The following ARHGEF38 variants were observed in gnomAD, a reference collection of about 807,000 sequenced individuals.
ARHGEF38 encodes Rho guanine nucleotide exchange factor (GEF) 38.
A neutral mutation model predicts 79.9 loss-of-function variants in ARHGEF38; 79 were observed. The observed-to-expected ratio is 0.99, with a 90% CI of 0.82 to 1.19. The LOEUF (loss-of-function observed/expected upper bound fraction) is 1.19, where lower values mean the gene tolerates loss of function less well. ARHGEF38 is among the 50% of genes most tolerant of loss of function. The pLI, the probability that ARHGEF38 is intolerant of heterozygous loss-of-function variation, is 0.00. For synonymous variants in ARHGEF38, 366 were observed against 328.3 expected (o/e 1.11, Z -1.24); for missense variants, 962 against 907.2 (o/e 1.06, Z -0.78).
rs1209024614 is a variant in ARHGEF38, at chr4:105,679,601, G to GA, written c.*1671dup. ...CTATCAGTATCTGAGCTGATGGTTG[G>GA]AAAAAAATCAACAGCAGCATAAGAA... On this transcript the variant is annotated 3_prime_UTR_variant, in exon 14 of 14. Transcript: ENST00000420470. 2 of 887,800 alleles carry GA rather than the reference G, an allele frequency of 2.3e-6. No homozygotes were observed. Among genetic ancestry groups the GA allele is most frequent in the Non-Finnish European group, 3.8e-6 (2 of 521,974 alleles). The allele number at this position is 887,800 out of a possible 1,614,324, so 55.0% of individuals were successfully genotyped here.
At chr4:105,638,522 C>A (rs956941436) in intron 5 of ARHGEF38, among the ~76,000 whole-genome samples, 7 of 151,970 alleles carry the variant, frequency 4.6e-5, no homozygotes, top group African/African-American at 1.7e-4. Context: ...AAATTATTTT[C>A]TCTTTTCTTT....
chr4:105,665,390 G>A (rs1467208430), intron 10 of ARHGEF38, among the ~76,000 whole-genome samples: 3 of 151,816 alleles, frequency 2.0e-5, no homozygotes, highest in Non-Finnish European at 2.9e-5. Context: ...CCAGCTACTC[G>A]GGAGGCTGAG....
intron 1 of ARHGEF38, among the ~76,000 whole-genome samples, chr4:105,586,547 A>T (rs1041719996): frequency 6.6e-6 from 1 of 152,192 alleles, no homozygotes; most frequent in Non-Finnish European, 1.5e-5. Context: ...AACGTCTGTG[A>T]AGCAGGTTAA....
At chr4:105,641,138 T>C (rs755231793) in intron 5 of ARHGEF38, among the ~76,000 whole-genome samples, 3 of 152,154 alleles carry the variant, frequency 2.0e-5, no homozygotes, top group Non-Finnish European at 2.9e-5. Flanking sequence ...CTCATTTTTT[T>C]TTCTATTTTC....
chr4:105,630,808 T>C, intron 3 of ARHGEF38, 90 bp from the exon 4 acceptor site: 1 of 1,204,954 alleles, frequency 8.3e-7, no homozygotes, highest in Non-Finnish European at 1.1e-6. Context: ...CATCCAAGTT[T>C]TTGACACGAG....
At chr4:105,675,255 A>T (rs1226086697) in intron 13 of ARHGEF38, among the ~76,000 whole-genome samples, 1 of 152,208 alleles carries the variant, frequency 6.6e-6, no homozygotes, top group Non-Finnish European at 1.5e-5. Flanking sequence ...GATATTGGTC[A>T]TAGCAGCACC....
chr4:105,627,931 C>G (rs1005823730), intron 3 of ARHGEF38, among the ~76,000 whole-genome samples: 1 of 151,910 alleles, frequency 6.6e-6, no homozygotes, highest in Non-Finnish European at 1.5e-5. Flanking sequence ...TTGTACTTGG[C>G]CTTTGGGGGA....
chr4:105,632,731 G>C (rs1056083629), intron 4 of ARHGEF38: 8 of 152,186 alleles, frequency 5.3e-5, no homozygotes, highest in Non-Finnish European at 1.2e-4. Context: ...TAGCACCTTT[G>C]ATCAAACCCC....
intron 1 of ARHGEF38, among the ~76,000 whole-genome samples, chr4:105,584,781 C>T (rs1726954039): frequency 6.6e-6 from 1 of 152,088 alleles, no homozygotes; most frequent in Non-Finnish European, 1.5e-5. Context: ...CCCAAAATGG[C>T]AGTAGTAGTA....
intron 10 of ARHGEF38, among the ~76,000 whole-genome samples, chr4:105,662,191 G>A (rs553987533): frequency 6.6e-6 from 1 of 152,232 alleles, no homozygotes; most frequent in Non-Finnish European, 1.5e-5. Flanking sequence ...CTTCACATAT[G>A]AGGGCTATTT....
At chr4:105,591,941 A>T (rs972583579) in intron 2 of ARHGEF38, among the ~76,000 whole-genome samples, 1 of 152,240 alleles carries the variant, frequency 6.6e-6, no homozygotes, top group South Asian at 2.1e-4. Flanking sequence ...TTTTATTAAC[A>T]TATAAACCAG....
At chr4:105,593,537 C>A (rs1727437089) in intron 2 of ARHGEF38, among the ~76,000 whole-genome samples, 1 of 152,082 alleles carries the variant, frequency 6.6e-6, no homozygotes, top group African/African-American at 2.4e-5. Flanking sequence ...GACCCTGTCT[C>A]CAGAAGAAAC....
chr4:105,570,195 T>A (rs1373705552), intron 1 of ARHGEF38: 3 of 152,228 alleles, frequency 2.0e-5, no homozygotes, highest in African/African-American at 7.2e-5. Context: ...ATATCCCATT[T>A]TTAGAGTTGT....
At position 105,671,379 on chromosome 4, in the gene ARHGEF38, C is replaced by T. The variant is rs147001470; in HGVS notation, c.2148+3676C>T. Reference sequence around the variant, plus strand: ...GAGGATGCACCTGTTGGAAACTTCACTACAAGGGAGAAGAGAAGGCCGCAT... The same window carrying T: ...GAGGATGCACCTGTTGGAAACTTCATTACAAGGGAGAAGAGAAGGCCGCAT... On this transcript the variant is annotated intron_variant, in intron 13 of 13. Transcript: ENST00000420470. 5.3e-4 allele frequency among the ~76,000 whole-genome samples: 81 copies of T among 152,298 alleles called. 2 individuals are homozygous for T. The East Asian group carries it at 0.015, about 29-fold the overall frequency.
intron 3 of ARHGEF38, among the ~76,000 whole-genome samples, chr4:105,616,479 A>G (rs1478007533): frequency 6.6e-6 from 1 of 152,094 alleles, no homozygotes; most frequent in East Asian, 1.9e-4. Context: ...CCAAGGGGGA[A>G]GTGCGATGCA....
chr4:105,575,194 G>A (rs1224214658), intron 1 of ARHGEF38, among the ~76,000 whole-genome samples: 1 of 152,084 alleles, frequency 6.6e-6, no homozygotes, highest in Non-Finnish European at 1.5e-5. Context: ...GGGATGGCTG[G>A]ATCGAATGGT....
chr4:105,566,914 C>T (rs1725948480), intron 1 of ARHGEF38, among the ~76,000 whole-genome samples: 1 of 152,054 alleles, frequency 6.6e-6, no homozygotes, highest in Non-Finnish European at 1.5e-5. Flanking sequence ...CCACCACGCC[C>T]AGCTAATTTT....
At chr4:105,604,215 G>T (rs1259689002) in intron 2 of ARHGEF38, among the ~76,000 whole-genome samples, 1 of 152,152 alleles carries the variant, frequency 6.6e-6, no homozygotes, top group African/African-American at 2.4e-5. Flanking sequence ...AAACAGTAAT[G>T]CTTAACTTAG....
rs537795042 is a variant in ARHGEF38 at position 105,612,849 on chromosome 4, TAAC to T, written c.385-532_385-530del. On this transcript the variant is annotated intron_variant, in intron 2 of 13. Transcript: ENST00000420470. ...CTGGTTGTTAAGGGTGTGCATGAAA[TAAC>T]AAAATATAATGAATCCTTAATTAGT... is the stretch of plus-strand genomic sequence containing the variant. Among the ~76,000 whole-genome samples the T allele has an allele frequency of 2.2e-3, 331 of 152,174 alleles. 4 individuals are homozygous for T. Among genetic ancestry groups the T allele is most frequent in the South Asian group, 8.3e-4 (4 of 4,832 alleles).
Sources: gnomAD v4.1 joint callset for allele counts (sites outside exome capture counted in the v4.1 genomes callset) on GRCh38, gnomAD v4.1.1 for gene constraint, MANE v1.5 for transcripts, NCBI Gene and HGNC (gene_info 2026-07-23, HGNC 2026-07-21) for gene names.